The following SNX25 variants were observed in gnomAD, a reference collection of about 807,000 sequenced individuals.
SNX25 encodes sorting nexin 25.
A neutral mutation model predicts 113.7 loss-of-function variants in SNX25; 62 were observed. The observed-to-expected ratio is 0.55, with a 90% CI of 0.44 to 0.67. The LOEUF (loss-of-function observed/expected upper bound fraction) is 0.67. SNX25 is among the 30% of genes least tolerant of loss of function. SNX25 has a pLI of 0.00. For missense variants in SNX25, 1,014 were observed against 1,161.0 expected (o/e 0.87, Z 1.84); for synonymous variants, 421 against 436.2 (o/e 0.97, Z 0.43).
Position 185,220,409 on chromosome 4 carries a change from T to TG in SNX25, c.429+10154_429+10155insG, listed in dbSNP as rs1163605071. On this transcript the variant is annotated intron_variant, in intron 1 of 18. Transcript: ENST00000652585. ...AACTCGTCATTTAGCATTAGGTATA[T>TG]CTCCTAATGCTTGTTCCTCTTGTTT... Among the ~76,000 whole-genome samples the TG allele has an allele frequency of 1.7e-4, 26 of 152,108 alleles. No individual in the cohort carries two copies. The South Asian group carries it at 5.2e-3, about 30-fold the overall frequency.
At chr4:185,357,525 C>T (rs957938238) in intron 15 of SNX25, 146 bp from the exon 16 acceptor site, 1 of 671,926 alleles carries the variant, frequency 1.5e-6, no homozygotes, top group Non-Finnish European at 2.6e-6. Flanking sequence ...CTGACCTAAA[C>T]CCAAATTCTG....
At chr4:185,237,116 C>T in intron 1 of SNX25, among the ~76,000 whole-genome samples, 1 of 151,246 alleles carries the variant, frequency 6.6e-6, no homozygotes, top group Non-Finnish European at 1.5e-5. Flanking sequence ...GCTGCTCCTT[C>T]CTGTATCTAA....
intron 1 of SNX25, among the ~76,000 whole-genome samples, chr4:185,240,007 G>C (rs1424047919): frequency 6.6e-6 from 1 of 150,776 alleles, no homozygotes; most frequent in Non-Finnish European, 1.5e-5. Context: ...GTTTAACAAA[G>C]CACATCTTGC....
chr4:185,263,187 G>C (rs1056965910), intron 3 of SNX25, among the ~76,000 whole-genome samples: 15 of 152,160 alleles, frequency 9.9e-5, no homozygotes, highest in African/African-American at 3.4e-4. Flanking sequence ...TGTACCGTTT[G>C]AGAGAGATTT....
At chr4:185,250,111 G>A (rs1745433226) in intron 2 of SNX25, among the ~76,000 whole-genome samples, 1 of 152,064 alleles carries the variant, frequency 6.6e-6, no homozygotes, top group Admixed American at 6.6e-5. Context: ...TTAATTAATG[G>A]CTGATCACCT....
At chr4:185,275,065 A>G (rs1371176343) in intron 5 of SNX25, among the ~76,000 whole-genome samples, 1 of 152,208 alleles carries the variant, frequency 6.6e-6, no homozygotes, top group Non-Finnish European at 1.5e-5. Flanking sequence ...CAGAGGACAA[A>G]TAATAACATC....
intron 1 of SNX25, among the ~76,000 whole-genome samples, chr4:185,222,843 C>T (rs1740210647): frequency 6.6e-6 from 1 of 152,130 alleles, no homozygotes; most frequent in Non-Finnish European, 1.5e-5. Context: ...ATAACTGTGA[C>T]AGTGGGCAGC....
intron 7 of SNX25, among the ~76,000 whole-genome samples, chr4:185,314,727 G>A (rs1337607054): frequency 2.6e-5 from 4 of 150,998 alleles, no homozygotes; most frequent in African/African-American, 7.3e-5. Flanking sequence ...GAGTGGTGGT[G>A]GGCACCTATA....
chr4:185,288,018 A>G lies in SNX25; in HGVS notation c.1098A>G (p.Gln366=). ...DVEFLKQLRY[Q]IVVEIIQATT... Reference sequence around the variant, plus strand: ...TTCTCTTTTTAAAAATCAGGTATCAAATTGTAGTGGAAATAATCCAGGCGA... The same window carrying G: ...TTCTCTTTTTAAAAATCAGGTATCAGATTGTAGTGGAAATAATCCAGGCGA... Residue 366 remains glutamine, a synonymous_variant, in exon 6 of 19, where the codon CAA becomes CAG. Transcript: ENST00000652585. 1 of 1,610,832 alleles carries G rather than the reference A, an allele frequency of 6.2e-7. No homozygotes were observed. The highest frequency in any genetic ancestry group is 8.5e-7 in the Non-Finnish European group (1 of 1,178,774).
intron 5 of SNX25, among the ~76,000 whole-genome samples, chr4:185,277,724 T>TAAAAAATAAAA (rs1560961104): frequency 3.3e-4 from 16 of 48,564 alleles, no homozygotes; most frequent in South Asian, 1.0e-3. Flanking sequence ...TATTACCTTT[T>TAAAAAATAAAA]TTTTTTTTTT....
chr4:185,245,398 C>T (rs900910342), intron 1 of SNX25, among the ~76,000 whole-genome samples: 2 of 151,652 alleles, frequency 1.3e-5, no homozygotes, highest in Non-Finnish European at 2.9e-5. Context: ...AGTGCAGTGG[C>T]GAGATCTCAA....
chr4:185,283,954 C>T (rs144500763), intron 5 of SNX25, among the ~76,000 whole-genome samples: 27 of 152,142 alleles, frequency 1.8e-4, no homozygotes, highest in African/African-American at 6.3e-4. Context: ...CTCATTTGTT[C>T]CAAAGCATGA....
At chr4:185,260,715 T>G (rs1747177292) in intron 3 of SNX25, among the ~76,000 whole-genome samples, 1 of 152,164 alleles carries the variant, frequency 6.6e-6, no homozygotes. Flanking sequence ...ATGAGACAAA[T>G]GACCTTTTTA....
chr4:185,255,590 A>G (rs905873241), intron 2 of SNX25, among the ~76,000 whole-genome samples: 6 of 151,994 alleles, frequency 3.9e-5, no homozygotes, highest in African/African-American at 1.2e-4. Flanking sequence ...AGCCTTTTAC[A>G]TATATTTTTT....
chr4:185,256,726 A>G (rs930451290), intron 2 of SNX25, among the ~76,000 whole-genome samples: 5 of 151,242 alleles, frequency 3.3e-5, no homozygotes, highest in Admixed American at 2.6e-4. Context: ...CCCAGGCTCA[A>G]ATGATCCTCC....
chr4:185,310,955 A>G (rs1363009519), intron 7 of SNX25, 139 bp downstream of exon 7: 15 of 845,254 alleles, frequency 1.8e-5, no homozygotes, highest in Non-Finnish European at 2.7e-5. Flanking sequence ...TTGCTCTATG[A>G]GTCAAGGAGC....
chr4:185,307,673 T>C (rs1016863005), intron 6 of SNX25, among the ~76,000 whole-genome samples: 1 of 152,240 alleles, frequency 6.6e-6, no homozygotes, highest in Non-Finnish European at 1.5e-5. Flanking sequence ...CTGCCTTCCA[T>C]GTTACTACAG....
At chr4:185,348,918 T>A (rs1193585936) in intron 13 of SNX25, among the ~76,000 whole-genome samples, 1 of 149,204 alleles carries the variant, frequency 6.7e-6, no homozygotes, top group Non-Finnish European at 1.5e-5. Flanking sequence ...AATATATCAA[T>A]TTTTTTTCAG....
intron 7 of SNX25, among the ~76,000 whole-genome samples, chr4:185,317,208 CAT>C (rs1175257613): frequency 1.3e-5 from 2 of 151,976 alleles, no homozygotes; most frequent in Non-Finnish European, 1.5e-5. Flanking sequence ...GGCCAACAAA[CAT>C]ATGAAAAAAA....
Sources: gnomAD v4.1 joint callset for allele counts (sites outside exome capture counted in the v4.1 genomes callset) on GRCh38, gnomAD v4.1.1 for gene constraint, MANE v1.5 for transcripts, NCBI Gene and HGNC (gene_info 2026-07-23, HGNC 2026-07-21) for gene names.